The following GABRA5 variants were observed in gnomAD, a reference collection of about 807,000 sequenced individuals.
GABRA5 encodes gamma-aminobutyric acid receptor subunit alpha-5.
A neutral mutation model predicts 47.3 loss-of-function variants in GABRA5; 18 were observed. The observed-to-expected ratio is 0.38, with a 90% CI of 0.26 to 0.56. The LOEUF (loss-of-function observed/expected upper bound fraction) is 0.56. GABRA5 is among the 20% of genes least tolerant of loss of function. The pLI is 0.71. For synonymous variants in GABRA5, 237 were observed against 229.3 expected (o/e 1.03, Z -0.30); for missense variants, 365 against 599.3 (o/e 0.61, Z 4.08).
intron 6 of GABRA5, among the ~76,000 whole-genome samples, chr15:26,892,307 G>T (rs1400947336): frequency 6.6e-6 from 1 of 152,228 alleles, no homozygotes; most frequent in Non-Finnish European, 1.5e-5. Flanking sequence ...GCTGTGAACG[G>T]TGGCTTCCGC....
intron 6 of GABRA5, among the ~76,000 whole-genome samples, chr15:26,893,026 T>C (rs1893050557): frequency 6.7e-6 from 1 of 149,344 alleles, no homozygotes; most frequent in African/African-American, 2.5e-5. Flanking sequence ...TTATGGTGCG[T>C]TTGTATGTAT....
At chr15:26,911,264 A>C (rs1893577464) in intron 6 of GABRA5, among the ~76,000 whole-genome samples, 1 of 151,996 alleles carries the variant, frequency 6.6e-6, no homozygotes, top group South Asian at 2.1e-4. Context: ...TGTCTTTTTT[A>C]CATTTTTACT....
At chr15:26,936,087 A>G (rs1894235143) in intron 7 of GABRA5, among the ~76,000 whole-genome samples, 1 of 152,124 alleles carries the variant, frequency 6.6e-6, no homozygotes, top group Non-Finnish European at 1.5e-5. Context: ...ATGGTTTTAT[A>G]AGCGTCTGGC....
intron 3 of GABRA5, among the ~76,000 whole-genome samples, chr15:26,872,932 C>T (rs370127896): frequency 1.3e-5 from 2 of 152,286 alleles, no homozygotes; most frequent in East Asian, 3.9e-4. Context: ...GAGTGTTCTT[C>T]TCCTTCTCTT....
intron 7 of GABRA5, among the ~76,000 whole-genome samples, chr15:26,929,645 C>G (rs1350926548): frequency 6.6e-6 from 1 of 152,344 alleles, no homozygotes; most frequent in Non-Finnish European, 1.5e-5. Flanking sequence ...CTCTGTTGAG[C>G]GCAGCCCTCA....
intron 6 of GABRA5, among the ~76,000 whole-genome samples, chr15:26,910,069 T>C (rs1893541567): frequency 7.9e-6 from 1 of 126,708 alleles, no homozygotes; most frequent in African/African-American, 3.0e-5. Flanking sequence ...ATGAAATAAA[T>C]GTTTTTTTTT....
Position 26,883,042 on chromosome 15 carries a change from C to T in GABRA5, c.209-124C>T. On this transcript the variant is annotated intron_variant, in intron 4 of 10. Transcript: ENST00000335625. The surrounding 1 kb of genome is among the most constrained non-coding windows in gnomAD (Gnocchi z 4.8). ...GTAATTGTCAAGTCCTCCAAATTTA[C>T]CAAACGCACTGCAAAAGCCCCCGGT... 6 of 774,110 alleles carry T rather than the reference C, an allele frequency of 7.8e-6. No homozygotes were observed. In the South Asian group the frequency reaches 8.5e-5, roughly 11 times the overall value. 48.0% of individuals were successfully genotyped at this position (774,110 alleles called of 1,614,324 possible).
chr15:26,919,954 A>AT (rs373620890), intron 7 of GABRA5, among the ~76,000 whole-genome samples: 42 of 132,504 alleles, frequency 3.2e-4, no homozygotes, highest in African/African-American at 1.1e-3. Flanking sequence ...AAGATTTCTG[A>AT]TAAAAAAAAA....
chr15:26,942,280 C>T (rs1252593790), intron 9 of GABRA5, among the ~76,000 whole-genome samples: 1 of 152,230 alleles, frequency 6.6e-6, no homozygotes, highest in Non-Finnish European at 1.5e-5. Context: ...ATCTGCCAGT[C>T]CAAAGGACTG....
At chr15:26,908,149 T>C (rs1000546388) in intron 6 of GABRA5, among the ~76,000 whole-genome samples, 1 of 152,214 alleles carries the variant, frequency 6.6e-6, no homozygotes, top group Non-Finnish European at 1.5e-5. Context: ...TTTCAGTTCT[T>C]TTTAATTGAA....
At chr15:26,897,721 T>C (rs1168333221) in intron 6 of GABRA5, among the ~76,000 whole-genome samples, 1 of 152,182 alleles carries the variant, frequency 6.6e-6, no homozygotes, top group Non-Finnish European at 1.5e-5. Context: ...ACAAGATGCC[T>C]CTCGTTACTT....
intron 3 of GABRA5, among the ~76,000 whole-genome samples, chr15:26,874,986 G>A (rs148153510): frequency 5.4e-4 from 83 of 152,310 alleles, no homozygotes; most frequent in Non-Finnish European, 9.7e-4. Flanking sequence ...TCTGTGTGAC[G>A]TCAGAAGAGT....
At chr15:26,913,402 C>A (rs61999579) in intron 6 of GABRA5, among the ~76,000 whole-genome samples, 126,888 of 152,042 alleles carry the variant, frequency 0.83, 53,206 homozygotes, top group East Asian at 0.91. Context: ...TACATTGACT[C>A]CTCAGTCTGC....
rs1164382370 is a variant in GABRA5 at position 26,947,945 on chromosome 15, A to G, written c.1101A>G (p.Glu367=). 2.5e-6 allele frequency: 4 copies of G among 1,575,400 alleles called. No homozygotes were observed. Among genetic ancestry groups the G allele is most frequent in the Non-Finnish European group, 3.4e-6 (4 of 1,159,520 alleles). ...ATTATATTTTGCAGAAAAAGCGTGAAGTCATACTAAATAAGTCAACAAACG... is the reference window on the plus strand; with the variant it reads ...ATTATATTTTGCAGAAAAAGCGTGAGGTCATACTAAATAAGTCAACAAACG... The part of the protein sequence containing the change: ...LEAAKIKKKR[E]VILNKSTNAF... Residue 367 remains glutamate (E), a synonymous_variant, in exon 11 of 11, where the codon GAA becomes GAG. Coordinates refer to ENST00000335625, the MANE Select transcript of GABRA5 (RefSeq NM_000810.4).
In GABRA5 at chr15:26,911,367, GCATGCACACA is replaced by G. The variant is rs1439727685; in HGVS notation, c.498-3433_498-3424del. On this transcript the variant is annotated intron_variant, in intron 6 of 10. Coordinates refer to ENST00000335625, the MANE Select transcript of GABRA5 (RefSeq NM_000810.4). ...TACCCTCCCTGCCCCCACCCTTGCT[GCATGCACACA>G]CACACACACACACACACACAAACAC... 4.9e-5 allele frequency among the ~76,000 whole-genome samples: 6 copies of G among 122,772 alleles called. No homozygotes were observed. In the South Asian group the frequency reaches 1.1e-3, roughly 22 times the overall value. 80.5% of individuals were successfully genotyped at this position (122,772 alleles called of 152,430 possible).
At chr15:26,938,739 C>A (rs1367780914) in intron 8 of GABRA5, among the ~76,000 whole-genome samples, 1 of 152,246 alleles carries the variant, frequency 6.6e-6, no homozygotes, top group Non-Finnish European at 1.5e-5. Context: ...CACCTTTGCA[C>A]TGCGGGCCTG....
intron 6 of GABRA5, among the ~76,000 whole-genome samples, chr15:26,912,704 G>A (rs888870961): frequency 1.7e-4 from 26 of 152,146 alleles, no homozygotes; most frequent in African/African-American, 6.3e-4. Context: ...TTTTGGTGAT[G>A]GGGGAAGTAC....
At chr15:26,876,886 C>T (rs1892609999) in intron 3 of GABRA5, among the ~76,000 whole-genome samples, 1 of 152,170 alleles carries the variant, frequency 6.6e-6, no homozygotes, top group Non-Finnish European at 1.5e-5. Context: ...GCAGGACCCC[C>T]AGTGTGGCTG....
chr15:26,871,981 G>T (rs114350371), intron 3 of GABRA5, among the ~76,000 whole-genome samples: 1,650 of 152,212 alleles, frequency 0.011, 34 homozygotes, highest in African/African-American at 0.037. Context: ...GACCCTGCGC[G>T]CCCAATTGCT....
Sources: gnomAD v4.1 joint callset for allele counts (sites outside exome capture counted in the v4.1 genomes callset) on GRCh38, gnomAD v4.1.1 for gene constraint, Gnocchi (gnomAD v3.1) non-coding constraint, MANE v1.5 for transcripts, NCBI Gene and HGNC (gene_info 2026-07-23, HGNC 2026-07-21) for gene names.